Variants in PDILT observed in about 807,000 individuals in gnomAD.
PDILT encodes protein disulfide-isomerase-like protein of the testis.
Under a neutral mutation model 53.7 loss-of-function variants are expected in PDILT, and 43 were observed. The observed-to-expected ratio is 0.80, with a 90% CI of 0.63 to 1.03. The LOEUF is 1.03. Ranked by LOEUF, PDILT falls within the 50% of genes least tolerant of loss-of-function variation. The pLI is 0.00. For missense variants in PDILT, 727 were observed against 712.3 expected (o/e 1.02, Z -0.24); for synonymous variants, 282 against 274.2 (o/e 1.03, Z -0.28).
At chr16:20,359,628 G>A (rs767496638) in intron 11 of PDILT, 61 bp from the exon 12 acceptor site, 11 of 1,502,216 alleles carry the variant, frequency 7.3e-6, no homozygotes, top group Admixed American at 1.7e-5. Flanking sequence ...AAGAAATAAA[G>A]AGGCAAGAAA....
At chr16:20,386,908 G>A (rs1377332419) in intron 2 of PDILT, among the ~76,000 whole-genome samples, 1 of 152,196 alleles carries the variant, frequency 6.6e-6, no homozygotes, top group Non-Finnish European at 1.5e-5. Flanking sequence ...TGTCCAGATG[G>A]TAAAGCAAAT....
chr16:20,404,240 T>C (rs76553804), intron 1 of PDILT, among the ~76,000 whole-genome samples: 2,006 of 152,292 alleles, frequency 0.013, 43 homozygotes, highest in African/African-American at 0.046. Context: ...ATGACTATGC[T>C]GAGAATCTCT....
chr16:20,372,691 A>C, intron 7 of PDILT, 111 bp downstream of exon 7: 1 of 1,318,200 alleles, frequency 7.6e-7, no homozygotes, highest in Non-Finnish European at 1.0e-6. Flanking sequence ...TGCAAGTGCC[A>C]ATCTTTCCTG....
rs775162102 is a variant in PDILT at position 20,384,789 on chromosome 16, T to G, written c.265A>C (p.Met89Leu). Residue 89 changes from methionine to leucine, a missense_variant, in exon 3 of 12, where the codon ATG becomes CTG. Met to Leu is a conservative substitution (Grantham distance 15). Transcript: ENST00000302451. ...AEELGKAVEI[M>L]GKGKNGIGFG... ...CCGATCCCATTCTTGCCTTTGCCCA[T>G]GATCTCCACAGCTTTGCCCAGCTCT... The G allele has an allele frequency of 6.2e-7, 1 of 1,614,122 alleles. No homozygotes were observed. The highest frequency in any genetic ancestry group is 1.1e-5 in the South Asian group (1 of 91,076).
At chr16:20,400,011 T>A (rs1009418790) in intron 1 of PDILT, among the ~76,000 whole-genome samples, 9 of 110,820 alleles carry the variant, frequency 8.1e-5, no homozygotes, top group Non-Finnish European at 1.5e-4. Context: ...TTTGAATATA[T>A]CTCTATCTAT....
At chr16:20,398,138 C>G (rs1299748329) in intron 2 of PDILT, among the ~76,000 whole-genome samples, 1 of 152,140 alleles carries the variant, frequency 6.6e-6, no homozygotes, top group East Asian at 1.9e-4. Flanking sequence ...TAATGAAGCA[C>G]TTAGGACAGT....
At chr16:20,389,517 C>T (rs11864909) in intron 2 of PDILT, among the ~76,000 whole-genome samples, 34,518 of 151,996 alleles carry the variant, frequency 0.23, 4,444 homozygotes, top group South Asian at 0.29. Context: ...AAAGATCTTC[C>T]GGCTACTGAT....
chr16:20,366,989 T>TTTC (rs1966206621), intron 8 of PDILT, among the ~76,000 whole-genome samples: 1 of 148,720 alleles, frequency 6.7e-6, no homozygotes, highest in African/African-American at 2.5e-5. Context: ...CCTTCCTTCC[T>TTTC]TTCTTTCTTT....
rs1297388321 is a variant in PDILT, at chr16:20,384,824, T to C, written c.230A>G (p.Asn77Ser). The C allele has an allele frequency of 1.2e-6, 2 of 1,614,208 alleles. No individual in the cohort carries two copies. Among genetic ancestry groups the C allele is most frequent in the Non-Finnish European group, 1.7e-6 (2 of 1,180,032 alleles). Reference sequence around the variant, plus strand: ...AGCTTTGCCCAGCTCTTCCGCCAAGTTCCTGGATTGCTTTGAGGATGGGTT... The same window carrying C: ...AGCTTTGCCCAGCTCTTCCGCCAAGCTCCTGGATTGCTTTGAGGATGGGTT... ...FHNPSSKQSRNLAEELGKAVE... is the reference protein window; with the variant it reads ...FHNPSSKQSRSLAEELGKAVE... Residue 77 changes from asparagine (N) to serine (S), a missense_variant, in exon 3 of 12, where the codon AAC becomes AGC. Transcript: ENST00000302451.
rs1966359189 is a variant in PDILT, at chr16:20,374,820, AC to A, written c.681+1del. 6.2e-7 allele frequency: 1 copy of A among 1,610,530 alleles called. No homozygotes were observed. The highest frequency in any genetic ancestry group is 8.5e-7 in the Non-Finnish European group (1 of 1,178,604). On this transcript the variant is annotated splice_donor_variant, in intron 5 of 11. Transcript: ENST00000302451. LOFTEE classifies it high-confidence loss of function. ...TCACTAGCAATAGGATCAAAATCCTACCTTTTTGAACACCAGGACGCTGTCA... is the reference window on the plus strand; with the variant it reads ...TCACTAGCAATAGGATCAAAATCCTACTTTTTGAACACCAGGACGCTGTCA...
At chr16:20,360,470 A>G in intron 11 of PDILT, 98 bp downstream of exon 11, 2 of 1,143,866 alleles carry the variant, frequency 1.7e-6, no homozygotes, top group African/African-American at 1.5e-5. Context: ...CCATCTCCCA[A>G]GATTATGGAA....
At chr16:20,384,289 C>G (rs983261901) in intron 3 of PDILT, among the ~76,000 whole-genome samples, 1 of 152,214 alleles carries the variant, frequency 6.6e-6, no homozygotes, top group Non-Finnish European at 1.5e-5. Flanking sequence ...TCACTAAACC[C>G]GTTTTCTTTC....
At chr16:20,399,538 C>T (rs1966704396) in intron 1 of PDILT, among the ~76,000 whole-genome samples, 1 of 152,162 alleles carries the variant, frequency 6.6e-6, no homozygotes, top group Admixed American at 6.5e-5. Flanking sequence ...CAAGAACCCA[C>T]TGGGAGCAGC....
At chr16:20,363,505 A>G (rs530516769) in intron 9 of PDILT, among the ~76,000 whole-genome samples, 17 of 150,942 alleles carry the variant, frequency 1.1e-4, no homozygotes, top group African/African-American at 4.1e-4. Context: ...GTGTGTGCAT[A>G]TGTGTTACAG....
In PDILT at chr16:20,374,973, G is replaced by T. The variant is rs745499413; in HGVS notation, c.544-14C>A. ...TTCCTCTAAATCCTATTTGGGAAAG[G>T]ATGTTTGGAAAGGCTTTGGTAGAAA... On this transcript the variant is annotated splice_polypyrimidine_tract_variant and intron_variant, in intron 4 of 11. Transcript: ENST00000302451. The T allele has an allele frequency of 6.3e-7, 1 of 1,596,130 alleles. No homozygotes were observed. The highest frequency in any genetic ancestry group is 8.6e-7 in the Non-Finnish European group (1 of 1,168,870).
At chr16:20,365,770 G>A (rs908764572) in intron 8 of PDILT, among the ~76,000 whole-genome samples, 1 of 152,072 alleles carries the variant, frequency 6.6e-6, no homozygotes, top group Admixed American at 6.6e-5. Flanking sequence ...AAACTGGGAT[G>A]GATTCTCAGA....
At chr16:20,381,226 C>T (rs1303415247) in intron 3 of PDILT, among the ~76,000 whole-genome samples, 5 of 152,198 alleles carry the variant, frequency 3.3e-5, no homozygotes, top group African/African-American at 1.2e-4. Context: ...CCACCAGTGT[C>T]CTAAGAGGAG....
chr16:20,369,789 G>A, intron 7 of PDILT, 100 bp from the exon 8 acceptor site: 1 of 1,193,056 alleles, frequency 8.4e-7, no homozygotes, highest in Non-Finnish European at 1.2e-6. Flanking sequence ...GGTGGGGTCT[G>A]TGGAGCACCT....
rs117296333 is a variant in PDILT, at chr16:20,400,929, G to A, written c.-7-1622C>T. Among the ~76,000 whole-genome samples, 3 of 152,204 alleles carry A rather than the reference G, an allele frequency of 2.0e-5. No homozygotes were observed. The East Asian group carries it at 5.8e-4, about 29-fold the overall frequency. On this transcript the variant is annotated intron_variant, in intron 1 of 11. Coordinates refer to ENST00000302451, the MANE Select transcript of PDILT (RefSeq NM_174924.2). Reference sequence around the variant, plus strand: ...AGACAGTGTGCGAATTACCCTGATGGCCTCATAAATTTTAAGTCTGTTTAA... The same window carrying A: ...AGACAGTGTGCGAATTACCCTGATGACCTCATAAATTTTAAGTCTGTTTAA...
Sources: allele counts gnomAD v4.1 joint callset (sites outside exome capture counted in the v4.1 genomes callset), GRCh38; gene constraint gnomAD v4.1.1; transcripts MANE v1.5; gene names NCBI Gene and HGNC (gene_info 2026-07-23, HGNC 2026-07-21).